Variants in ADAMTS19 observed in about 807,000 individuals in gnomAD.
ADAMTS19 encodes the protein ADAM metallopeptidase with thrombospondin type 1 motif 19.
ADAMTS19 carries 93 observed loss-of-function variants against 153.3 expected under a neutral mutation model. The ratio of observed to expected loss-of-function variants is 0.61; its 90% CI spans 0.51 to 0.72. The LOEUF is 0.72. Ranked by LOEUF, ADAMTS19 falls within the 30% of genes least tolerant of loss-of-function variation. ADAMTS19 has a pLI of 0.00. For missense variants in ADAMTS19, 1,482 were observed against 1,552.1 expected, an observed-to-expected ratio of 0.95 and a Z score of 0.76; for synonymous variants, 600 against 556.6, an observed-to-expected ratio of 1.08 and a Z score of -1.10.
At chr5:129,538,591 G>A (rs1370749826) in intron 6 of ADAMTS19, among the ~76,000 whole-genome samples, 2 of 151,952 alleles carry the variant, frequency 1.3e-5, no homozygotes, top group Non-Finnish European at 2.9e-5. Flanking sequence ...AGGAAAAGAA[G>A]AAAGCATAGT....
At chr5:129,647,920 G>A in intron 12 of ADAMTS19, 25 bp downstream of exon 12, 1 of 1,593,418 alleles carries the variant, frequency 6.3e-7, no homozygotes, top group Non-Finnish European at 8.6e-7. Flanking sequence ...CCTGGTTGGG[G>A]GAGGGCACTT....
rs148878175 is a variant in ADAMTS19 at position 129,502,654 on chromosome 5, T to A, written c.748-6423T>A. Among the ~76,000 whole-genome samples, 19 of 152,334 alleles carry A rather than the reference T, an allele frequency of 1.2e-4. No individual in the cohort carries two copies. The East Asian group carries it at 3.1e-3, about 25-fold the overall frequency. The stretch of plus-strand genomic sequence containing the variant: ...ACTTGGGCACACAAGGAAGCCAACA[T>A]TGGAAATGCCCAGTGGAAGAAATAA... On this transcript the variant is annotated intron_variant, in intron 2 of 22. Transcript: ENST00000274487.
At chr5:129,602,368 G>A (rs1279163266) in intron 8 of ADAMTS19, among the ~76,000 whole-genome samples, 1 of 152,188 alleles carries the variant, frequency 6.6e-6, no homozygotes, top group African/African-American at 2.4e-5. Context: ...TGGGATTACA[G>A]CACTTCGCAC....
intron 7 of ADAMTS19, among the ~76,000 whole-genome samples, chr5:129,587,855 TCTGGATCAAGTC>T (rs985227911): frequency 4.6e-5 from 7 of 152,114 alleles, no homozygotes; most frequent in African/African-American, 1.7e-4. Flanking sequence ...GTTGTACTCT[TCTGGATCAAGTC>T]CAGCTTCTCA....
intron 7 of ADAMTS19, among the ~76,000 whole-genome samples, chr5:129,577,471 T>C (rs570102864): frequency 6.6e-6 from 1 of 152,182 alleles, no homozygotes. Flanking sequence ...ATCCGGGAGT[T>C]CCAGGGGAGA....
intron 18 of ADAMTS19, among the ~76,000 whole-genome samples, chr5:129,684,786 G>C (rs771401622): frequency 6.6e-6 from 1 of 151,910 alleles, no homozygotes; most frequent in African/African-American, 2.4e-5. Context: ...AGGAGATCAA[G>C]ACCATTCTGG....
chr5:129,667,057 G>C (rs772729402), intron 16 of ADAMTS19, among the ~76,000 whole-genome samples: 29 of 152,056 alleles, frequency 1.9e-4, no homozygotes, highest in Non-Finnish European at 3.4e-4. Context: ...CCTGTTTCCT[G>C]TCTCCCTCTA....
chr5:129,702,168 A>T (rs376737221), intron 20 of ADAMTS19, among the ~76,000 whole-genome samples: 71 of 152,280 alleles, frequency 4.7e-4, no homozygotes, highest in African/African-American at 1.7e-3. Context: ...CAACCCCTAC[A>T]GGCTTGTAGT....
At chr5:129,635,204 G>A (rs1022454610) in intron 10 of ADAMTS19, among the ~76,000 whole-genome samples, 7 of 152,130 alleles carry the variant, frequency 4.6e-5, no homozygotes, top group Non-Finnish European at 7.4e-5. Context: ...AAACCACAAT[G>A]TAATACTGTC....
chr5:129,701,379 T>C lies in ADAMTS19; in HGVS notation c.2955-9T>C, dbSNP rs375108659. On this transcript the variant is annotated splice_polypyrimidine_tract_variant and intron_variant, in intron 19 of 22. Transcript: ENST00000274487. The stretch of plus-strand genomic sequence containing the variant: ...AACTTGTTTCCAGTGACTCTTGCTT[T>C]ACTTTCAGGTGGATGATGACAGAAT... 67 of 1,614,210 alleles carry C rather than the reference T, an allele frequency of 4.2e-5. 1 individual carries two copies. The African/African-American group carries it at 7.6e-4, about 18-fold the overall frequency.
intron 8 of ADAMTS19, among the ~76,000 whole-genome samples, chr5:129,611,628 G>A (rs1165248189): frequency 1.3e-5 from 2 of 152,068 alleles, no homozygotes; most frequent in South Asian, 2.1e-4. Flanking sequence ...TGAGGGCTCT[G>A]TTCTGTTCCA....
intron 17 of ADAMTS19, among the ~76,000 whole-genome samples, chr5:129,682,581 C>A (rs541139875): frequency 6.6e-6 from 1 of 152,218 alleles, no homozygotes; most frequent in East Asian, 1.9e-4. Context: ...TCATCCCATT[C>A]ATTTAAAAAC....
intron 16 of ADAMTS19, among the ~76,000 whole-genome samples, chr5:129,666,846 G>T (rs1754074992): frequency 1.3e-5 from 2 of 152,036 alleles, no homozygotes; most frequent in African/African-American, 2.4e-5. Context: ...TATTACACTT[G>T]CATGTATGTT....
At position 129,491,941 on chromosome 5, in the gene ADAMTS19, A is replaced by G. The variant is rs893039969; in HGVS notation, c.748-17136A>G. Among the ~76,000 whole-genome samples the G allele has an allele frequency of 4.6e-5, 7 of 152,368 alleles. No individual in the cohort carries two copies. The South Asian group carries it at 1.0e-3, about 23-fold the overall frequency. ...GATATAAACATGCCTGGAAGAAATC[A>G]CATCAAATTGATAATAATGATTACT... On this transcript the variant is annotated intron_variant, in intron 2 of 22. Coordinates refer to ENST00000274487, the MANE Select transcript of ADAMTS19 (RefSeq NM_133638.6).
chr5:129,638,039 G>A (rs1193437457), intron 10 of ADAMTS19, among the ~76,000 whole-genome samples: 3 of 152,094 alleles, frequency 2.0e-5, no homozygotes, highest in Non-Finnish European at 2.9e-5. Context: ...CCTGGGTGAT[G>A]AAATAATCTG....
intron 7 of ADAMTS19, among the ~76,000 whole-genome samples, chr5:129,578,618 G>C (rs981823160): frequency 1.3e-5 from 2 of 151,512 alleles, no homozygotes; most frequent in Admixed American, 6.6e-5. Flanking sequence ...TGAAGGCCCT[G>C]GTATGTAATG....
rs544336680 is a variant in ADAMTS19 at position 129,672,371 on chromosome 5, C to T, written c.2506+6792C>T. On this transcript the variant is annotated intron_variant, in intron 16 of 22. Transcript: ENST00000274487. ...TCTGAACTGGAAAGAAATTAAAGAACCCTTAGATACTAAAAACAAAGTGGG... is the reference window on the plus strand; with the variant it reads ...TCTGAACTGGAAAGAAATTAAAGAATCCTTAGATACTAAAAACAAAGTGGG... Among the ~76,000 whole-genome samples the T allele has an allele frequency of 3.9e-5, 6 of 152,154 alleles. No individual in the cohort carries two copies. The South Asian group carries it at 1.2e-3, about 32-fold the overall frequency.
chr5:129,697,784 T>C (rs540919916), intron 19 of ADAMTS19, among the ~76,000 whole-genome samples: 1 of 152,400 alleles, frequency 6.6e-6, no homozygotes, highest in Non-Finnish European at 1.5e-5. Context: ...TTCCTCAGAA[T>C]TCTCTTTTTC....
intron 18 of ADAMTS19, among the ~76,000 whole-genome samples, chr5:129,692,993 G>T (rs537926055): frequency 6.6e-6 from 1 of 152,148 alleles, no homozygotes; most frequent in South Asian, 2.1e-4. Context: ...AAATAACTTA[G>T]CCAACATTGT....
Sources: gnomAD v4.1 joint callset for allele counts (sites outside exome capture counted in the v4.1 genomes callset) on GRCh38, gnomAD v4.1.1 for gene constraint, MANE v1.5 for transcripts, NCBI Gene and HGNC (gene_info 2026-07-23, HGNC 2026-07-21) for gene names.